Variants in MCF2L observed in about 807,000 individuals in gnomAD.
The protein encoded by MCF2L is guanine nucleotide exchange factor DBS.
A neutral mutation model predicts 153.4 loss-of-function variants in MCF2L; 97 were observed. The ratio of observed to expected loss-of-function variants is 0.63; its 90% CI spans 0.54 to 0.75. The LOEUF (loss-of-function observed/expected upper bound fraction) is 0.75, where lower values mean the gene tolerates loss of function less well. Ranked by LOEUF, MCF2L falls within the 30% of genes least tolerant of loss-of-function variation. The probability of loss-of-function intolerance (pLI) is 0.00; values close to 1 mark genes in which losing one functional copy is unlikely to be tolerated. For missense variants in MCF2L, 1,347 were observed against 1,495.2 expected (o/e 0.90, Z 1.64); for synonymous variants, 659 against 632.2 (o/e 1.04, Z -0.64).
chr13:112,980,361 CCT>C (rs1263193628), intron 1 of MCF2L, among the ~76,000 whole-genome samples: 1 of 152,260 alleles, frequency 6.6e-6, no homozygotes, highest in Non-Finnish European at 1.5e-5. Context: ...TGCCCTTTCC[CCT>C]GTCTGGCGAC....
chr13:113,018,855 T>C (rs936951017), intron 2 of MCF2L, among the ~76,000 whole-genome samples: 2 of 152,184 alleles, frequency 1.3e-5, no homozygotes, highest in Admixed American at 1.3e-4. Flanking sequence ...CCCCTCCCAC[T>C]GCCCAGGCGG....
intron 22 of MCF2L, 117 bp from the exon 23 acceptor site, chr13:113,087,590 T>C: frequency 4.4e-6 from 5 of 1,133,644 alleles, no homozygotes; most frequent in Non-Finnish European, 5.2e-6. Flanking sequence ...TATTCTGCCA[T>C]TCTTAGCCCT....
rs190995581 is a variant in MCF2L, at chr13:113,025,970, G to A, written c.278+1212G>A. Among the ~76,000 whole-genome samples, 342 of 47,738 alleles carry A rather than the reference G, an allele frequency of 7.2e-3. 6 individuals are homozygous for A. Among genetic ancestry groups the A allele is most frequent in the African/African-American group, 0.014 (176 of 12,528 alleles). The allele number at this position is 47,738 out of a possible 152,430, so 31.3% of individuals were successfully genotyped here. ...GAGATTTCCCCGTCATGGGGTCCCC[G>A]TGACTGTGGGTCGGGGCAGAGTCTC... is the stretch of plus-strand genomic sequence containing the variant. On this transcript the variant is annotated intron_variant, in intron 3 of 29. Coordinates refer to ENST00000535094, the MANE Select transcript of MCF2L (RefSeq NM_001112732.3).
At chr13:113,060,874 GA>G (rs1171270715) in intron 5 of MCF2L, among the ~76,000 whole-genome samples, 162 bp downstream of exon 5, 1 of 152,106 alleles carries the variant, frequency 6.6e-6, no homozygotes, top group African/African-American at 2.4e-5. Flanking sequence ...AATGCTGCCA[GA>G]AGCAGTACAA....
intron 2 of MCF2L, among the ~76,000 whole-genome samples, chr13:112,922,374 G>T (rs918926918): frequency 2.6e-5 from 4 of 152,138 alleles, no homozygotes; most frequent in Non-Finnish European, 5.9e-5. Flanking sequence ...GCTTTGTGAG[G>T]TTTTCTTTTT....
chr13:112,913,618 G>A (rs2081259038), intron 2 of MCF2L, among the ~76,000 whole-genome samples: 1 of 152,156 alleles, frequency 6.6e-6, no homozygotes, highest in African/African-American at 2.4e-5. Flanking sequence ...TCCTTCAAGT[G>A]CATGGGGCAG....
chr13:113,058,137 GTGGGCGCTGTGTGTT>G (rs1188686154), intron 4 of MCF2L, among the ~76,000 whole-genome samples: 1 of 148,862 alleles, frequency 6.7e-6, no homozygotes, highest in Non-Finnish European at 1.5e-5. Context: ...TAGGTGCTGA[GTGGGCGCTGTGTGTT>G]TGGGCGCTGA....
chr13:113,036,573 G>A (rs1049677034), intron 3 of MCF2L, among the ~76,000 whole-genome samples: 1 of 152,222 alleles, frequency 6.6e-6, no homozygotes, highest in African/African-American at 2.4e-5. Context: ...GTGGGGGCAA[G>A]TGCGGGGTGG....
intron 9 of MCF2L, among the ~76,000 whole-genome samples, chr13:113,071,172 T>C (rs1369560500): frequency 3.3e-5 from 5 of 152,228 alleles, no homozygotes; most frequent in Non-Finnish European, 5.9e-5. Flanking sequence ...ACGTGCTTAT[T>C]TGCCATTCGC....
At chr13:112,971,144 T>A (rs2082026111) in intron 1 of MCF2L, among the ~76,000 whole-genome samples, 1 of 152,210 alleles carries the variant, frequency 6.6e-6, no homozygotes, top group African/African-American at 2.4e-5. Flanking sequence ...TTGAAGGCTG[T>A]AAAACCATCA....
chr13:113,050,003 C>G (rs1316383305), intron 4 of MCF2L, among the ~76,000 whole-genome samples: 1 of 151,838 alleles, frequency 6.6e-6, no homozygotes, highest in Non-Finnish European at 1.5e-5. Context: ...AGGATAGGTT[C>G]ACAGCTACCC....
rs548868388 is a variant in MCF2L, at chr13:112,996,933, C to T, written c.80-17830C>T. ...CATGAAACTCCTGCACAGATCTGGA[C>T]GCACCCTGGCAGCTGCTGGGCCAGT... On this transcript the variant is annotated intron_variant, in intron 1 of 29. Coordinates refer to ENST00000535094, the MANE Select transcript of MCF2L (RefSeq NM_001112732.3). Among the ~76,000 whole-genome samples, 130 of 152,348 alleles carry T rather than the reference C, an allele frequency of 8.5e-4. 1 individual carries two copies. The highest frequency in any genetic ancestry group is 2.9e-3 in the African/African-American group (120 of 41,584).
At chr13:112,895,554 C>T (rs1396534260) in intron 1 of MCF2L, among the ~76,000 whole-genome samples, 1 of 152,080 alleles carries the variant, frequency 6.6e-6, no homozygotes, top group Non-Finnish European at 1.5e-5. Flanking sequence ...AACTGTGGAG[C>T]GAGGGGTCCA....
intron 25 of MCF2L, 35 bp from the exon 26 acceptor site, chr13:113,089,575 C>A: frequency 3.5e-6 from 5 of 1,435,964 alleles, no homozygotes; most frequent in Non-Finnish European, 4.9e-6. Context: ...CCAGGCAACA[C>A]ACTATTTCCT....
chr13:113,090,497 G>T (rs1016066645), intron 26 of MCF2L: 1 of 967,744 alleles, frequency 1.0e-6, no homozygotes, highest in Non-Finnish European at 1.2e-6. Flanking sequence ...TGCTGACCTT[G>T]CTGGCTGCGT....
intron 2 of MCF2L, chr13:112,955,928 C>T (rs1004739518): frequency 3.3e-5 from 5 of 152,146 alleles, no homozygotes; most frequent in African/African-American, 1.2e-4. Flanking sequence ...GATGCCATAC[C>T]CAGGGGCCAG....
intron 1 of MCF2L, among the ~76,000 whole-genome samples, chr13:112,974,117 C>T (rs1171892806): frequency 1.3e-5 from 2 of 152,196 alleles, no homozygotes; most frequent in African/African-American, 4.8e-5. Context: ...TCATCACCTG[C>T]CGCTCCACAT....
chr13:113,094,455 A>G (rs2035477351), intron 26 of MCF2L, 59 bp from the exon 27 acceptor site: 3 of 1,548,532 alleles, frequency 1.9e-6, no homozygotes, highest in Non-Finnish European at 2.6e-6. Context: ...CCCACCTCAG[A>G]CAGATGCAGA....
At chr13:112,998,140 C>T (rs2083216699) in intron 1 of MCF2L, among the ~76,000 whole-genome samples, 1 of 152,258 alleles carries the variant, frequency 6.6e-6, no homozygotes, top group African/African-American at 2.4e-5. Flanking sequence ...CACAGCGCAG[C>T]TCCTAGACAC....
Sources: gnomAD v4.1 joint callset for allele counts (sites outside exome capture counted in the v4.1 genomes callset) on GRCh38, gnomAD v4.1.1 for gene constraint, MANE v1.5 for transcripts, NCBI Gene and HGNC (gene_info 2026-07-23, HGNC 2026-07-21) for gene names.